Variants in MICU2 observed in about 807,000 individuals in gnomAD.
MICU2 encodes mitochondrial calcium uptake 2, also known as calcium uptake protein 2, mitochondrial.
MICU2 carries 64 observed loss-of-function variants against 60.4 expected under a neutral mutation model. That is an observed-to-expected ratio of 1.06 (90% CI 0.87 to 1.31). MICU2 has a LOEUF of 1.31. Among genes scored for constraint, MICU2 ranks in the 50% most tolerant of loss-of-function variants. The pLI, the probability that MICU2 is intolerant of heterozygous loss-of-function variation, is 0.00. For synonymous variants in MICU2, 201 were observed against 175.0 expected, an observed-to-expected ratio of 1.15 and a Z score of -1.17; for missense variants, 569 against 531.0, an observed-to-expected ratio of 1.07 and a Z score of -0.70.
chr13:21,567,035 G>A, intron 1 of MICU2, 91 bp from the exon 2 acceptor site: 2 of 1,082,982 alleles, frequency 1.8e-6, no homozygotes, highest in Admixed American at 3.1e-5. Context: ...TTTCACGCTT[G>A]GATCTGACAA....
intron 11 of MICU2, 134 bp downstream of exon 11, chr13:21,495,027 T>C (rs932149365): frequency 3.6e-6 from 2 of 559,784 alleles, no homozygotes; most frequent in Admixed American, 3.5e-5. Context: ...TATATTTCTG[T>C]ATTTCAATTA....
At chr13:21,496,009 G>A in intron 10 of MICU2, 43 bp downstream of exon 10, 2 of 1,401,974 alleles carry the variant, frequency 1.4e-6, no homozygotes, top group Non-Finnish European at 2.0e-6. Context: ...TAGTAAAACT[G>A]TTTATAGATG....
chr13:21,568,526 A>C (rs10444640), intron 1 of MICU2, among the ~76,000 whole-genome samples: 1 of 152,186 alleles, frequency 6.6e-6, no homozygotes, highest in African/African-American at 2.4e-5. Context: ...AATTTTATTG[A>C]TACTTTCTGA....
chr13:21,581,768 A>C (rs1888353259), intron 1 of MICU2, among the ~76,000 whole-genome samples: 1 of 152,204 alleles, frequency 6.6e-6, no homozygotes, highest in South Asian at 2.1e-4. Context: ...GAGCTTACCC[A>C]ACATGACTAA....
In MICU2 at chr13:21,603,958, C is replaced by CT. The variant is rs1191229337; in HGVS notation, c.190dup (p.Ser64LysfsTer11). On this transcript the variant is annotated frameshift_variant, in exon 1 of 12. Transcript: ENST00000382374. LOFTEE classifies it high-confidence loss of function. ...CTGTACCTGTGCGGAGACTGTAAAA[C>CT]TGCCATCCCGCGCCGCAACACTGAC... 3.7e-6 allele frequency: 6 copies of CT among 1,612,494 alleles called. No individual in the cohort carries two copies. The Admixed American group carries it at 6.7e-5, about 18-fold the overall frequency.
intron 1 of MICU2, among the ~76,000 whole-genome samples, chr13:21,602,119 A>AAAGG: frequency 3.3e-5 from 5 of 151,482 alleles, no homozygotes; most frequent in Non-Finnish European, 5.9e-5. Flanking sequence ...ACAAAAAAAA[A>AAAGG]GTGCATTTTA....
At chr13:21,601,237 C>T (rs1304432944) in intron 1 of MICU2, among the ~76,000 whole-genome samples, 2 of 152,216 alleles carry the variant, frequency 1.3e-5, no homozygotes, top group East Asian at 3.8e-4. Context: ...TCTAGCTCAA[C>T]TATGCACACC....
At chr13:21,499,904 A>G (rs778989342) in intron 9 of MICU2, among the ~76,000 whole-genome samples, 1 of 152,132 alleles carries the variant, frequency 6.6e-6, no homozygotes, top group African/African-American at 2.4e-5. Context: ...ATGCGCCTGT[A>G]ATCCCAGCTA....
At chr13:21,591,453 T>C (rs534448579) in intron 1 of MICU2, among the ~76,000 whole-genome samples, 1 of 152,322 alleles carries the variant, frequency 6.6e-6, no homozygotes, top group African/African-American at 2.4e-5. Flanking sequence ...CCACTGTCAG[T>C]ATTGGATAGA....
intron 7 of MICU2, among the ~76,000 whole-genome samples, chr13:21,511,722 AC>A (rs201768554): frequency 9.6e-6 from 1 of 104,274 alleles, no homozygotes; most frequent in Admixed American, 8.7e-5. Context: ...GCCTCTGACA[AC>A]AATTAATGAA....
At chr13:21,563,921 G>A (rs1488750890) in intron 2 of MICU2, among the ~76,000 whole-genome samples, 1 of 151,694 alleles carries the variant, frequency 6.6e-6, no homozygotes, top group Non-Finnish European at 1.5e-5. Flanking sequence ...GTGATCCTCA[G>A]CCTCTGAAGT....
In MICU2 at chr13:21,559,017, T is replaced by G. The variant is rs1013692443; in HGVS notation, c.358+7780A>C. ...TGGAATAAATTTCCATTCAACAAAC[T>G]GGGACAGGGTAGGGAGGGAGTTCTT... On this transcript the variant is annotated intron_variant, in intron 2 of 11. Transcript: ENST00000382374. Among the ~76,000 whole-genome samples, 3 of 152,326 alleles carry G rather than the reference T, an allele frequency of 2.0e-5. 1 individual carries two copies. Among genetic ancestry groups the G allele is most frequent in the Admixed American group, 2.0e-4 (3 of 15,302 alleles).
chr13:21,530,959 A>G, intron 4 of MICU2: 2 of 770,942 alleles, frequency 2.6e-6, no homozygotes, highest in South Asian at 1.4e-5. Context: ...GATCATTTAC[A>G]GTGACAAATA....
intron 4 of MICU2, among the ~76,000 whole-genome samples, chr13:21,528,027 T>C (rs1304131507): frequency 6.6e-6 from 1 of 152,230 alleles, no homozygotes; most frequent in Non-Finnish European, 1.5e-5. Flanking sequence ...ATTGCAAGAA[T>C]ATATTTATAT....
chr13:21,583,565 T>C (rs1224455288), intron 1 of MICU2, among the ~76,000 whole-genome samples: 1 of 152,206 alleles, frequency 6.6e-6, no homozygotes, highest in Admixed American at 6.5e-5. Flanking sequence ...TATCATCTGA[T>C]AATTAAATGA....
At chr13:21,578,298 ATTTT>A (rs1888272104) in intron 1 of MICU2, among the ~76,000 whole-genome samples, 1 of 152,188 alleles carries the variant, frequency 6.6e-6, no homozygotes, top group Non-Finnish European at 1.5e-5. Context: ...TTAAAAAATA[ATTTT>A]AGAGCTGGGC....
chr13:21,545,418 C>T (rs1245179979), intron 2 of MICU2, among the ~76,000 whole-genome samples: 2 of 152,146 alleles, frequency 1.3e-5, no homozygotes, highest in Non-Finnish European at 2.9e-5. Context: ...CAGTGGCTCA[C>T]GCCTGTAATC....
chr13:21,587,543 G>T (rs1310235099), intron 1 of MICU2, among the ~76,000 whole-genome samples: 1 of 152,202 alleles, frequency 6.6e-6, no homozygotes, highest in African/African-American at 2.4e-5. Context: ...GAAGATTCTG[G>T]AGATAGCCAC....
rs1184417087 is a variant in MICU2 at position 21,505,774 on chromosome 13, T to C, written c.762-2677A>G. 2.0e-5 allele frequency among the ~76,000 whole-genome samples: 3 copies of C among 152,272 alleles called. No homozygotes were observed. The East Asian group carries it at 5.8e-4, about 29-fold the overall frequency. On this transcript the variant is annotated intron_variant, in intron 8 of 11. Transcript: ENST00000382374. ...CAGAAACTACATGATCACTTAAACCTTTCATGAGAAACCTGAATCTCGCCT... is the reference window on the plus strand; with the variant it reads ...CAGAAACTACATGATCACTTAAACCCTTCATGAGAAACCTGAATCTCGCCT...
Sources: allele counts gnomAD v4.1 joint callset (sites outside exome capture counted in the v4.1 genomes callset), GRCh38; gene constraint gnomAD v4.1.1; transcripts MANE v1.5; gene names NCBI Gene and HGNC (gene_info 2026-07-23, HGNC 2026-07-21).